The following KCNAB1 variants were observed in gnomAD, a reference collection of about 807,000 sequenced individuals.
KCNAB1 encodes voltage-gated potassium channel subunit beta-1.
KCNAB1 carries 35 observed loss-of-function variants against 64.6 expected under a neutral mutation model. The observed-to-expected ratio is 0.54, with a 90% CI of 0.41 to 0.72. The LOEUF (loss-of-function observed/expected upper bound fraction) is 0.72. KCNAB1 is among the 30% of genes least tolerant of loss of function. The probability of loss-of-function intolerance (pLI) is 0.00; values close to 1 mark genes in which losing one functional copy is unlikely to be tolerated. For missense variants in KCNAB1, 401 were observed against 512.9 expected (o/e 0.78, Z 2.11); for synonymous variants, 177 against 183.8 (o/e 0.96, Z 0.30).
intron 1 of KCNAB1, among the ~76,000 whole-genome samples, chr3:156,160,196 C>T (rs146918143): frequency 1.5e-4 from 23 of 152,162 alleles, no homozygotes; most frequent in African/African-American, 5.3e-4. Context: ...GGAACCAAGG[C>T]GATAGTAATA....
intron 2 of KCNAB1, among the ~76,000 whole-genome samples, chr3:156,450,997 T>C (rs552579515): frequency 6.6e-6 from 1 of 152,268 alleles, no homozygotes; most frequent in East Asian, 1.9e-4. Flanking sequence ...AAAAAGCTAC[T>C]ACTCTTTGAT....
chr3:156,231,915 A>G (rs929280715), intron 1 of KCNAB1, among the ~76,000 whole-genome samples: 1 of 152,156 alleles, frequency 6.6e-6, no homozygotes, highest in African/African-American at 2.4e-5. Flanking sequence ...CTGTACCCCA[A>G]CAACCTTGGG....
In KCNAB1 at chr3:156,222,394, A is replaced by G. The variant is rs116136176; in HGVS notation, c.275+101508A>G. On this transcript the variant is annotated intron_variant, in intron 1 of 13. Transcript: ENST00000490337. ...GAAAATATCACAATTCTAAATATAC[A>G]TGCATCTAACACTGGAGCTCCCAAA... Among the ~76,000 whole-genome samples the G allele has an allele frequency of 3.7e-3, 558 of 152,324 alleles. 4 individuals are homozygous for G. Among genetic ancestry groups the G allele is most frequent in the African/African-American group, 0.013 (530 of 41,568 alleles).
At chr3:156,359,545 T>G (rs546425818) in intron 1 of KCNAB1, among the ~76,000 whole-genome samples, 2 of 152,316 alleles carry the variant, frequency 1.3e-5, no homozygotes, top group African/African-American at 4.8e-5. Flanking sequence ...ACTAATAAGA[T>G]CAGTGACCTT....
intron 1 of KCNAB1, among the ~76,000 whole-genome samples, chr3:156,169,268 G>A (rs999117281): frequency 2.0e-5 from 3 of 152,124 alleles, no homozygotes; most frequent in Non-Finnish European, 4.4e-5. Flanking sequence ...ATCTACGGGG[G>A]TTATTATGCT....
intron 1 of KCNAB1, among the ~76,000 whole-genome samples, chr3:156,180,346 A>G (rs1187267041): frequency 2.0e-5 from 3 of 152,242 alleles, no homozygotes; most frequent in African/African-American, 7.2e-5. Context: ...TGTTTGTTTA[A>G]TTGTGCCATA....
At chr3:156,341,543 G>A (rs543872249) in intron 1 of KCNAB1, among the ~76,000 whole-genome samples, 19 of 152,192 alleles carry the variant, frequency 1.2e-4, no homozygotes, top group Non-Finnish European at 2.2e-4. Context: ...ATTGGCCTCC[G>A]AGCTGTGTTA....
intron 1 of KCNAB1, among the ~76,000 whole-genome samples, chr3:156,235,250 C>T (rs1716778407): frequency 6.6e-6 from 1 of 152,238 alleles, no homozygotes; most frequent in Non-Finnish European, 1.5e-5. Flanking sequence ...GCCTACACAA[C>T]AAAAGACTGA....
rs576714202 is a variant in KCNAB1 at position 156,248,101 on chromosome 3, C to G, written c.275+127215C>G. ...GCTGTCACCTTGAGAAGACTTTGTC[C>G]CTCCTGTTAATTTCTCTTCCTTAAA... On this transcript the variant is annotated intron_variant, in intron 1 of 13. Transcript: ENST00000490337. Among the ~76,000 whole-genome samples, 354 of 152,172 alleles carry G rather than the reference C, an allele frequency of 2.3e-3. 1 individual carries two copies. The highest frequency in any genetic ancestry group is 4.2e-3 in the Non-Finnish European group (288 of 67,998).
chr3:156,518,461 G>GAAAGAAAAGAAAAGAAAAAAAAAGA (rs1717704280), intron 11 of KCNAB1, among the ~76,000 whole-genome samples: 1 of 149,790 alleles, frequency 6.7e-6, no homozygotes, highest in Non-Finnish European at 1.5e-5. Context: ...AAGAGAAAGA[G>GAAAGAAAAGAAAAGAAAAAAAAAGA]AAAGAAAAGA....
intron 1 of KCNAB1, among the ~76,000 whole-genome samples, chr3:156,156,156 G>C (rs1310572617): frequency 6.6e-6 from 1 of 152,156 alleles, no homozygotes; most frequent in Non-Finnish European, 1.5e-5. Flanking sequence ...TAGGCCCCCA[G>C]ATAAACAAAG....
intron 11 of KCNAB1, chr3:156,523,594 C>T (rs946553991): frequency 5.5e-5 from 24 of 438,570 alleles, no homozygotes; most frequent in African/African-American, 4.5e-4. Flanking sequence ...TCTGTGCAGG[C>T]TGATCAATTT....
At chr3:156,404,383 C>G (rs1379815050) in intron 1 of KCNAB1, among the ~76,000 whole-genome samples, 2 of 152,066 alleles carry the variant, frequency 1.3e-5, no homozygotes, top group African/African-American at 2.4e-5. Context: ...CAAAGTCTGT[C>G]CATCAGTCCG....
intron 1 of KCNAB1, among the ~76,000 whole-genome samples, chr3:156,305,197 G>C (rs1169121143): frequency 2.0e-5 from 3 of 152,120 alleles, no homozygotes; most frequent in Non-Finnish European, 4.4e-5. Context: ...ATTAATATCA[G>C]TATTAGCATA....
chr3:156,318,286 A>AT (rs1275969397), intron 1 of KCNAB1, among the ~76,000 whole-genome samples: 1 of 152,192 alleles, frequency 6.6e-6, no homozygotes, highest in Non-Finnish European at 1.5e-5. Context: ...TTGGATATAA[A>AT]TTTAGAATCG....
At chr3:156,274,483 CA>C (rs1298981792) in intron 1 of KCNAB1, among the ~76,000 whole-genome samples, 1 of 151,908 alleles carries the variant, frequency 6.6e-6, no homozygotes, top group Non-Finnish European at 1.5e-5. Flanking sequence ...CCAGAAAATA[CA>C]GTACTTGGAG....
chr3:156,458,872 G>A (rs1712663210), intron 4 of KCNAB1, among the ~76,000 whole-genome samples: 1 of 152,214 alleles, frequency 6.6e-6, no homozygotes, highest in Non-Finnish European at 1.5e-5. Flanking sequence ...ACTGTGAAAT[G>A]CAAGGTTGCA....
intron 1 of KCNAB1, among the ~76,000 whole-genome samples, chr3:156,400,332 G>C (rs773404521): frequency 5.9e-5 from 9 of 152,176 alleles, no homozygotes; most frequent in Non-Finnish European, 1.0e-4. Context: ...GTTCCTTAGA[G>C]AGAAAAAGCC....
chr3:156,213,627 T>A (rs1391890), intron 1 of KCNAB1, among the ~76,000 whole-genome samples: 84,568 of 151,974 alleles, frequency 0.56, 24,408 homozygotes, highest in East Asian at 0.9. Flanking sequence ...TCTGCTGTCC[T>A]CCATGCAGGG....
Sources: allele counts gnomAD v4.1 joint callset (sites outside exome capture counted in the v4.1 genomes callset), GRCh38; gene constraint gnomAD v4.1.1; transcripts MANE v1.5; gene names NCBI Gene and HGNC (gene_info 2026-07-23, HGNC 2026-07-21).